The following SPATA21 variants were observed in gnomAD, a reference collection of about 807,000 sequenced individuals.
The protein encoded by SPATA21 is spermatogenesis-associated protein 21.
A neutral mutation model predicts 54.8 loss-of-function variants in SPATA21; 47 were observed. The ratio of observed to expected loss-of-function variants is 0.86; its 90% CI spans 0.68 to 1.09. The LOEUF is 1.09. Ranked by LOEUF, SPATA21 falls within the 50% of genes least tolerant of loss-of-function variation. The pLI is 0.00. For synonymous variants in SPATA21, 245 were observed against 235.3 expected (o/e 1.04, Z -0.38); for missense variants, 599 against 596.4 (o/e 1.00, Z -0.05).
At chr1:16,415,270 G>GATCTCCT in intron 5 of SPATA21, among the ~76,000 whole-genome samples, 1 of 152,134 alleles carries the variant, frequency 6.6e-6, no homozygotes. Context: ...CCCAGGAGGC[G>GATCTCCT]GAGGTTGCAG....
intron 1 of SPATA21, among the ~76,000 whole-genome samples, chr1:16,436,059 T>C (rs2086578134): frequency 2.6e-5 from 4 of 151,700 alleles, no homozygotes; most frequent in Admixed American, 2.6e-4. Flanking sequence ...GAGACCAGCC[T>C]GGCCAGCAAG....
downstream of SPATA21, chr1:16,398,210 G>A (rs983178558): frequency 3.4e-4 from 58 of 172,464 alleles, no homozygotes; most frequent in Non-Finnish European, 6.7e-4. Context: ...TTAACCCTGG[G>A]GGATTTCCCT....
downstream of SPATA21, chr1:16,397,901 G>T: frequency 2.3e-6 from 1 of 432,278 alleles, no homozygotes; most frequent in Non-Finnish European, 3.1e-6. The surrounding 1 kb of genome is among the most constrained non-coding windows in gnomAD (Gnocchi z 5.4). Flanking sequence ...CAGCCTCCCT[G>T]GTAAGCAGAG....
chr1:16,400,692 C>G lies in SPATA21; in HGVS notation c.1174+28G>C, dbSNP rs200745208. On this transcript the variant is annotated intron_variant, in intron 11 of 12. Coordinates refer to ENST00000335496, the MANE Select transcript of SPATA21 (RefSeq NM_198546.1). The stretch of plus-strand genomic sequence containing the variant: ...CAAGAGAGCAAAGCCCCAACCCTAG[C>G]CCATCCCACCCTGCCCAGGGCCCTC... The G allele has an allele frequency of 3.7e-5, 59 of 1,593,040 alleles. 1 individual carries two copies. The South Asian group carries it at 4.0e-4, about 11-fold the overall frequency.
chr1:16,400,096 G>A (rs868486491), intron 11 of SPATA21, among the ~76,000 whole-genome samples: 1 of 151,526 alleles, frequency 6.6e-6, no homozygotes, highest in South Asian at 2.1e-4. Context: ...GCGTGATCTC[G>A]GCTCACTGCA....
At chr1:16,419,005 C>T (rs2086096063) in intron 5 of SPATA21, among the ~76,000 whole-genome samples, 1 of 152,172 alleles carries the variant, frequency 6.6e-6, no homozygotes, top group African/African-American at 2.4e-5. Flanking sequence ...AGGCTGCCCT[C>T]AGGGAGCTTG....
At chr1:16,403,483 C>CTTTTTTTTT (rs1229942098) in intron 10 of SPATA21, among the ~76,000 whole-genome samples, 9 of 117,116 alleles carry the variant, frequency 7.7e-5, no homozygotes, top group Non-Finnish European at 9.4e-5. Context: ...TAGTTTTTTT[C>CTTTTTTTTT]TTTTTTTTCT....
chr1:16,417,486 T>C (rs1301083765), intron 5 of SPATA21, among the ~76,000 whole-genome samples: 8 of 150,812 alleles, frequency 5.3e-5, no homozygotes, highest in African/African-American at 2.0e-4. Flanking sequence ...TTCCCCAGGC[T>C]GGAGTGCGAT....
chr1:16,418,351 A>G (rs1462248935), intron 5 of SPATA21, among the ~76,000 whole-genome samples: 2 of 152,064 alleles, frequency 1.3e-5, no homozygotes, highest in Non-Finnish European at 2.9e-5. Context: ...GGCTCACTGG[A>G]AGCTCTGCCT....
Position 16,423,342 on chromosome 1 carries a change from G to A in SPATA21, c.35-1371C>T, listed in dbSNP as rs565929897. ...GTGGGAGGATCACTTGAACCCAGGA[G>A]GTGGAGGTTGCAGTGACCCAAGATC... On this transcript the variant is annotated intron_variant, in intron 3 of 12. Coordinates refer to ENST00000335496, the MANE Select transcript of SPATA21 (RefSeq NM_198546.1). Among the ~76,000 whole-genome samples the A allele has an allele frequency of 3.4e-5, 5 of 148,906 alleles. No individual in the cohort carries two copies. In the South Asian group the frequency reaches 1.1e-3, roughly 32 times the overall value.
chr1:16,425,361 G>A (rs2086292490), intron 3 of SPATA21, among the ~76,000 whole-genome samples: 1 of 151,962 alleles, frequency 6.6e-6, no homozygotes, highest in Non-Finnish European at 1.5e-5. Flanking sequence ...GCTCATTGTA[G>A]CCTTGACCTC....
At position 16,409,143 on chromosome 1, in the gene SPATA21, C is replaced by G; in HGVS notation, c.648G>C (p.Glu216Asp). The G allele has an allele frequency of 6.2e-7, 1 of 1,614,158 alleles. No homozygotes were observed. The highest frequency in any genetic ancestry group is 8.5e-7 in the Non-Finnish European group (1 of 1,180,032). The part of the protein sequence containing the change: ...KLYQNREKSE[E>D]QLTLKQEEAF... ...CTTCCTCTTGCTTCAGGGTCAGTTGCTCCTCGGACTTCTCCCGGTTTTGAT... is the reference window on the plus strand; with the variant it reads ...CTTCCTCTTGCTTCAGGGTCAGTTGGTCCTCGGACTTCTCCCGGTTTTGAT... Residue 216 changes from glutamate to aspartate, a missense_variant, in exon 7 of 13, where the codon GAG becomes GAC. Glu to Asp is a conservative substitution (Grantham distance 45). Coordinates refer to ENST00000335496, the MANE Select transcript of SPATA21 (RefSeq NM_198546.1). The surrounding 1 kb of genome is among the most constrained non-coding windows in gnomAD (Gnocchi z 4.1).
At chr1:16,399,008 A>T (rs2085362044) in intron 12 of SPATA21, among the ~76,000 whole-genome samples, 186 bp from the exon 13 acceptor site, 1 of 152,128 alleles carries the variant, frequency 6.6e-6, no homozygotes, top group Non-Finnish European at 1.5e-5. Context: ...AGCGGCCTGG[A>T]GGGGGACTGC....
At chr1:16,433,724 G>A (rs2086517964) in intron 1 of SPATA21, among the ~76,000 whole-genome samples, 1 of 152,196 alleles carries the variant, frequency 6.6e-6, no homozygotes, top group South Asian at 2.1e-4. Context: ...TCTAGACAAG[G>A]AGGGGAAGCC....
At chr1:16,398,971 G>C (rs1018904913) in intron 12 of SPATA21, 149 bp from the exon 13 acceptor site, 9 of 872,580 alleles carry the variant, frequency 1.0e-5, no homozygotes, top group Non-Finnish European at 1.6e-5. Context: ...TTAGGGGCCT[G>C]ATTCCAAGTC....
intron 3 of SPATA21, chr1:16,425,427 A>G (rs1390714720): frequency 5.3e-6 from 7 of 1,316,788 alleles, no homozygotes; most frequent in Admixed American, 2.1e-5. Context: ...GACTACAGAT[A>G]CATGCACCAG....
At chr1:16,401,029 C>T (rs1234643536) in intron 10 of SPATA21, 137 bp from the exon 11 acceptor site, 1 of 1,039,152 alleles carries the variant, frequency 9.6e-7, no homozygotes, top group East Asian at 2.5e-5. Context: ...CTAGTCTCAG[C>T]TCAGCCCTTT....
intron 5 of SPATA21, among the ~76,000 whole-genome samples, chr1:16,417,917 C>G (rs1218976700): frequency 6.6e-6 from 1 of 152,182 alleles, no homozygotes; most frequent in Non-Finnish European, 1.5e-5. Flanking sequence ...TATTCCATTC[C>G]CTCTGTATGG....
chr1:16,429,586 T>G (rs1473634563), intron 3 of SPATA21, among the ~76,000 whole-genome samples: 3 of 152,026 alleles, frequency 2.0e-5, no homozygotes, highest in Non-Finnish European at 4.4e-5. Flanking sequence ...GCGATTCTCC[T>G]GCCTCAGCCT....
Sources: allele counts gnomAD v4.1 joint callset (sites outside exome capture counted in the v4.1 genomes callset), GRCh38; gene constraint gnomAD v4.1.1; non-coding constraint Gnocchi (gnomAD v3.1); transcripts MANE v1.5; gene names NCBI Gene and HGNC (gene_info 2026-07-23, HGNC 2026-07-21).